Variants in FBXL17 observed in about 807,000 individuals in gnomAD.
FBXL17 encodes F-box/LRR-repeat protein 17.
In FBXL17, 22 loss-of-function variants were observed where a neutral mutation model predicts 66.2. That is an observed-to-expected ratio of 0.33 (90% CI 0.24 to 0.47). The LOEUF (loss-of-function observed/expected upper bound fraction) is 0.47. FBXL17 is among the 20% of genes least tolerant of loss of function. The pLI is 1.00. For synonymous variants in FBXL17, 474 were observed against 400.5 expected, an observed-to-expected ratio of 1.18 and a Z score of -2.19; for missense variants, 878 against 948.2, an observed-to-expected ratio of 0.93 and a Z score of 0.97.
chr5:108,062,160 T>G (rs189014502), intron 6 of FBXL17, among the ~76,000 whole-genome samples: 1 of 152,158 alleles, frequency 6.6e-6, no homozygotes, highest in African/African-American at 2.4e-5. Flanking sequence ...TTTCGTATGC[T>G]TTCCACTTTT....
At chr5:108,173,283 G>A (rs1455143462) in intron 6 of FBXL17, among the ~76,000 whole-genome samples, 3 of 152,110 alleles carry the variant, frequency 2.0e-5, no homozygotes, top group African/African-American at 7.2e-5. Context: ...AGCTTTAGGA[G>A]ATATACCTAA....
chr5:108,375,106 C>G (rs986734907), intron 1 of FBXL17, among the ~76,000 whole-genome samples: 1 of 152,102 alleles, frequency 6.6e-6, no homozygotes, highest in African/African-American at 2.4e-5. Context: ...ATAATCCCAG[C>G]ACTTTGGGAA....
At chr5:108,105,344 T>A (rs1486000189) in intron 6 of FBXL17, among the ~76,000 whole-genome samples, 2 of 152,190 alleles carry the variant, frequency 1.3e-5, no homozygotes, top group Non-Finnish European at 2.9e-5. Context: ...ATGGCACTTG[T>A]GAAAGATTGT....
At chr5:108,192,151 C>G (rs1753494024) in intron 5 of FBXL17, among the ~76,000 whole-genome samples, 1 of 152,146 alleles carries the variant, frequency 6.6e-6, no homozygotes, top group Non-Finnish European at 1.5e-5. Flanking sequence ...AATGGTGCCC[C>G]CAGTGTTTCA....
chr5:108,039,564 A>G (rs931040393), intron 6 of FBXL17, among the ~76,000 whole-genome samples: 6 of 152,254 alleles, frequency 3.9e-5, no homozygotes, highest in South Asian at 4.1e-4. Context: ...AAATAAAATT[A>G]CTTCCCAAAG....
intron 8 of FBXL17, chr5:107,880,832 T>C (rs755085393): frequency 4.4e-6 from 6 of 1,365,494 alleles, no homozygotes; most frequent in African/African-American, 1.5e-5. Flanking sequence ...AAATTCATTA[T>C]TAAGTGGGGA....
rs181402256 is a variant in FBXL17 at position 107,861,970 on chromosome 5, C to G, written c.1966-110G>C. On this transcript the variant is annotated intron_variant, in intron 8 of 8. Coordinates refer to ENST00000542267, the MANE Select transcript of FBXL17 (RefSeq NM_001163315.3). Reference sequence around the variant, plus strand: ...CTCACTGTGACACGAAGAGCCCTCGCCTTGTTCCTCCTAGCGATGTGAGGA... The same window carrying G: ...CTCACTGTGACACGAAGAGCCCTCGGCTTGTTCCTCCTAGCGATGTGAGGA... The G allele has an allele frequency of 9.4e-6, 11 of 1,170,024 alleles. No individual in the cohort carries two copies. The African/African-American group carries it at 1.7e-4, about 18-fold the overall frequency. 72.5% of individuals were successfully genotyped at this position (1,170,024 alleles called of 1,614,324 possible).
intron 6 of FBXL17, among the ~76,000 whole-genome samples, chr5:108,160,879 G>C (rs184129489): frequency 1.3e-5 from 2 of 152,224 alleles, no homozygotes; most frequent in Admixed American, 1.3e-4. Context: ...TGGAAAGTTA[G>C]CTGCCGTCAA....
Position 108,015,605 on chromosome 5 carries a change from T to C in FBXL17, c.1822+5320A>G, listed in dbSNP as rs118140159. ...ATAAAGAGCAAAATTATTTTGGGCA[T>C]AGAAATTTTTTTCTTGAATAATTTA... On this transcript the variant is annotated intron_variant, in intron 7 of 8. Coordinates refer to ENST00000542267, the MANE Select transcript of FBXL17 (RefSeq NM_001163315.3). 1.4e-3 allele frequency among the ~76,000 whole-genome samples: 212 copies of C among 152,348 alleles called. 6 individuals are homozygous for C. In the East Asian group the frequency reaches 0.038, roughly 27 times the overall value.
chr5:107,922,965 T>C (rs1022171480), intron 7 of FBXL17, among the ~76,000 whole-genome samples: 1 of 152,224 alleles, frequency 6.6e-6, no homozygotes, highest in East Asian at 1.9e-4. Context: ...GGTGTTTCTG[T>C]CTAGTGCCTA....
chr5:108,017,282 T>C (rs2112754853), intron 7 of FBXL17, among the ~76,000 whole-genome samples: 1 of 152,340 alleles, frequency 6.6e-6, no homozygotes, highest in East Asian at 1.9e-4. Flanking sequence ...TTTTGCTGTA[T>C]CTTTTTCTAT....
intron 2 of FBXL17, among the ~76,000 whole-genome samples, chr5:108,367,220 A>G (rs1277456975): frequency 6.6e-6 from 1 of 152,170 alleles, no homozygotes; most frequent in Non-Finnish European, 1.5e-5. Context: ...AACAAGTCAA[A>G]AAAACTGTTT....
At chr5:107,873,254 AATTTTACAGTAC>A (rs1268489431) in intron 8 of FBXL17, among the ~76,000 whole-genome samples, 3 of 152,220 alleles carry the variant, frequency 2.0e-5, no homozygotes, top group African/African-American at 7.2e-5. Flanking sequence ...AATAATCAGC[AATTTTACAGTAC>A]TGTAGCTGCC....
At chr5:108,330,900 A>C (rs970106346) in intron 4 of FBXL17, among the ~76,000 whole-genome samples, 2 of 152,110 alleles carry the variant, frequency 1.3e-5, no homozygotes, top group African/African-American at 4.8e-5. Flanking sequence ...AAATACAAAA[A>C]AAATTAGCTG....
chr5:108,021,253 T>A (rs998976225), intron 6 of FBXL17, among the ~76,000 whole-genome samples: 4 of 150,972 alleles, frequency 2.6e-5, no homozygotes, highest in Admixed American at 6.6e-5. Flanking sequence ...AGAGTAATGT[T>A]ACATTTGGTA....
chr5:108,231,022 G>A, intron 4 of FBXL17, among the ~76,000 whole-genome samples: 1 of 152,012 alleles, frequency 6.6e-6, no homozygotes, highest in Non-Finnish European at 1.5e-5. Context: ...AAAAATCCTA[G>A]GGTGATTCTT....
intron 6 of FBXL17, among the ~76,000 whole-genome samples, chr5:108,022,544 C>T (rs779277317): frequency 6.6e-6 from 1 of 151,962 alleles, no homozygotes; most frequent in South Asian, 2.1e-4. Context: ...TGTCCTCTTC[C>T]ATTGCCTACC....
intron 7 of FBXL17, among the ~76,000 whole-genome samples, chr5:107,973,354 A>ATTTTTTTTTTTTTTTTTTTTT (rs200079422): frequency 1.7e-5 from 2 of 120,438 alleles, no homozygotes; most frequent in African/African-American, 3.2e-5. Flanking sequence ...TTTTTTTGTA[A>ATTTTTTTTTTTTTTTTTTTTT]TTTTTTTTTT....
chr5:108,079,025 T>C (rs1047892285), intron 6 of FBXL17, among the ~76,000 whole-genome samples: 46 of 152,096 alleles, frequency 3.0e-4, no homozygotes, highest in African/African-American at 7.2e-4. Flanking sequence ...TTTTTTTTTT[T>C]CCCTGTAGAG....
Sources: gnomAD v4.1 joint callset for allele counts (sites outside exome capture counted in the v4.1 genomes callset) on GRCh38, gnomAD v4.1.1 for gene constraint, MANE v1.5 for transcripts, NCBI Gene and HGNC (gene_info 2026-07-23, HGNC 2026-07-21) for gene names.